Variants in NLRP8 observed in about 807,000 individuals in gnomAD.
NLRP8 encodes the protein NACHT, LRR and PYD domains-containing protein 8.
NLRP8 carries 86 observed loss-of-function variants against 88.7 expected under a neutral mutation model. The ratio of observed to expected loss-of-function variants is 0.97; its 90% CI spans 0.81 to 1.16. The LOEUF is 1.16. NLRP8 is among the 50% of genes most tolerant of loss of function. NLRP8 has a pLI of 0.00. For missense variants in NLRP8, 1,342 were observed against 1,286.5 expected (o/e 1.04, Z -0.66); for synonymous variants, 504 against 494.6 (o/e 1.02, Z -0.25).
Position 55,970,710 on chromosome 19 carries a change from C to A in NLRP8, c.2534+14C>A. On this transcript the variant is annotated intron_variant, in intron 6 of 9. Coordinates refer to ENST00000291971, the MANE Select transcript of NLRP8 (RefSeq NM_176811.2). ...GGAGAGGCTGTCGTAAGTCTCCTTT[C>A]TAGTGGCTGTGGTTGTGGTTGTGGT... is the stretch of plus-strand genomic sequence containing the variant. 4 of 1,613,690 alleles carry A rather than the reference C, an allele frequency of 2.5e-6. No individual in the cohort carries two copies. Among genetic ancestry groups the A allele is most frequent in the Non-Finnish European group, 3.4e-6 (4 of 1,179,812 alleles).
intron 3 of NLRP8, among the ~76,000 whole-genome samples, chr19:55,960,490 T>A (rs143793827): frequency 6.6e-6 from 1 of 152,182 alleles, no homozygotes; most frequent in Admixed American, 6.5e-5. Flanking sequence ...GTCACCCGAC[T>A]AAGACCTCAA....
intron 3 of NLRP8, 111 bp from the exon 4 acceptor site, chr19:55,961,956 A>G: frequency 1.0e-6 from 1 of 974,658 alleles, no homozygotes; most frequent in Non-Finnish European, 1.5e-6. Context: ...TCTTAGAGTC[A>G]CTAGAGGCCT....
At position 55,977,276 on chromosome 19, in the gene NLRP8, A is replaced by G. The variant is rs541903503; in HGVS notation, c.2876+973A>G. Among the ~76,000 whole-genome samples the G allele has an allele frequency of 3.5e-3, 512 of 146,070 alleles. 4 individuals are homozygous for G. The highest frequency in any genetic ancestry group is 0.012 in the African/African-American group (493 of 40,278). ...TCTGCATATGTGTACACATATATGT[A>G]CAGACACATATATACTTATTTTATA... On this transcript the variant is annotated intron_variant, in intron 8 of 9. Coordinates refer to ENST00000291971, the MANE Select transcript of NLRP8 (RefSeq NM_176811.2).
chr19:55,984,991 C>G (rs1980742234), intron 9 of NLRP8, among the ~76,000 whole-genome samples: 2 of 151,788 alleles, frequency 1.3e-5, no homozygotes, highest in Non-Finnish European at 2.9e-5. Context: ...TGGAAATTTA[C>G]AAGCAAATTC....
chr19:55,988,095 T>C lies in NLRP8; in HGVS notation c.*182T>C, dbSNP rs1289778311. The C allele has an allele frequency of 6.3e-5, 35 of 555,350 alleles. No individual in the cohort carries two copies. The highest frequency in any genetic ancestry group is 2.3e-5 in the Non-Finnish European group (7 of 305,244). The allele number at this position is 555,350 out of a possible 1,614,324, so 34.4% of individuals were successfully genotyped here. A position where few individuals can be genotyped will look rare whatever the true frequency, so the allele number is the denominator to read the frequency against. On this transcript the variant is annotated 3_prime_UTR_variant, in exon 10 of 10. Coordinates refer to ENST00000291971, the MANE Select transcript of NLRP8 (RefSeq NM_176811.2). The stretch of plus-strand genomic sequence containing the variant: ...TGAGGACGGTGATGCCCTGTGTGTA[T>C]TAATATGCTATGTAAGGCTGGGCGT...
At chr19:55,976,697 C>A (rs962870364) in intron 8 of NLRP8, among the ~76,000 whole-genome samples, 3 of 41,502 alleles carry the variant, frequency 7.2e-5, no homozygotes, top group Non-Finnish European at 1.5e-4. Context: ...TATATATATA[C>A]ACATATATGT....
At chr19:55,964,952 A>G (rs1979774354) in intron 4 of NLRP8, among the ~76,000 whole-genome samples, 1 of 152,146 alleles carries the variant, frequency 6.6e-6, no homozygotes, top group Non-Finnish European at 1.5e-5. Context: ...GAACATAAGC[A>G]TTAGAGGTGC....
chr19:55,962,165 T>C lies in NLRP8; in HGVS notation c.2141T>C (p.Val714Ala), dbSNP rs750767541. ...GAAGTCCTGACTATGACCAACAGTG[T>C]TTTGGGGCCTCCTTTTTTGAAGGCT... is the stretch of plus-strand genomic sequence containing the variant. Residue 714 changes from valine to alanine, a missense_variant, in exon 4 of 10, where the codon GTT becomes GCT. Coordinates refer to ENST00000291971, the MANE Select transcript of NLRP8 (RefSeq NM_176811.2). The C allele has an allele frequency of 3.7e-6, 6 of 1,614,018 alleles. No homozygotes were observed. In the Middle Eastern group the frequency reaches 4.9e-4, roughly 133 times the overall value.
chr19:55,955,917 C>A lies in NLRP8; in HGVS notation c.1859C>A (p.Ala620Asp). 4 of 1,614,152 alleles carry A rather than the reference C, an allele frequency of 2.5e-6. No homozygotes were observed. Among genetic ancestry groups the A allele is most frequent in the Non-Finnish European group, 2.5e-6 (3 of 1,180,026 alleles). Residue 620 changes from alanine to aspartate, a missense_variant, in exon 3 of 10, where the codon GCC becomes GAC. By Grantham distance (126) the Ala-to-Asp change is moderately radical (BLOSUM62 -2). Transcript: ENST00000291971. Reference sequence around the variant, plus strand: ...TGTCTGCATGAAATCCGGGAGGAAGCCTTTGTAAGCCAAGCCCTAAATGAT... The same window carrying A: ...TGTCTGCATGAAATCCGGGAGGAAGACTTTGTAAGCCAAGCCCTAAATGAT...
chr19:55,979,528 C>T lies in NLRP8; in HGVS notation c.3011C>T (p.Ala1004Val), dbSNP rs1980487034. Reference sequence around the variant, plus strand: ...TATGGTATTCTGACCTTGTGCGAGGCCTTCTCAAGCCAAAAGAAGAGAGAA... The same window carrying T: ...TATGGTATTCTGACCTTGTGCGAGGTCTTCTCAAGCCAAAAGAAGAGAGAA... Residue 1004 changes from alanine (A) to valine (V), a missense_variant, in exon 9 of 10, where the codon GCC becomes GTC. Transcript: ENST00000291971. 1.2e-6 allele frequency: 2 copies of T among 1,614,040 alleles called. No homozygotes were observed. The highest frequency in any genetic ancestry group is 1.7e-5 in the Admixed American group (1 of 59,996).
intron 3 of NLRP8, among the ~76,000 whole-genome samples, chr19:55,957,668 AATAATTATATAT>A (rs1568460762): frequency 5.1e-5 from 4 of 77,890 alleles, no homozygotes; most frequent in African/African-American, 2.3e-4. Flanking sequence ...AAGAAAAAAT[AATAATTATATAT>A]ATATATATAT....
intron 9 of NLRP8, among the ~76,000 whole-genome samples, chr19:55,985,544 G>GA (rs1013508867): frequency 2.0e-5 from 3 of 151,972 alleles, no homozygotes; most frequent in African/African-American, 4.8e-5. Flanking sequence ...CTACATAGAA[G>GA]AAAAAATCTG....
chr19:55,973,320 G>A (rs1980161692), intron 6 of NLRP8, among the ~76,000 whole-genome samples: 1 of 151,892 alleles, frequency 6.6e-6, no homozygotes, highest in African/African-American at 2.4e-5. Flanking sequence ...TTTGTTCTTT[G>A]TAGATTCTGA....
At position 55,968,131 on chromosome 19, in the gene NLRP8, T is replaced by C. The variant is rs142582015; in HGVS notation, c.2381+1751T>C. Among the ~76,000 whole-genome samples, 240 of 152,364 alleles carry C rather than the reference T, an allele frequency of 1.6e-3. 1 individual carries two copies. The highest frequency in any genetic ancestry group is 5.0e-3 in the African/African-American group (210 of 41,586). On this transcript the variant is annotated intron_variant, in intron 5 of 9. Transcript: ENST00000291971. ...CACAAAATATTCGTTTAATAATTTT[T>C]TTAACCATTTAAAAATTTTTGTGGC... is the stretch of plus-strand genomic sequence containing the variant.
chr19:55,981,195 C>A (rs1980557499), intron 9 of NLRP8, among the ~76,000 whole-genome samples, 37 bp downstream of exon 10: 1 of 151,254 alleles, frequency 6.6e-6, no homozygotes, highest in Non-Finnish European at 1.5e-5. Context: ...TCGATCTGGA[C>A]CCTCTGGTGA....
intron 9 of NLRP8, 51 bp downstream of exon 9, chr19:55,979,615 C>T: frequency 6.3e-7 from 1 of 1,594,032 alleles, no homozygotes; most frequent in Non-Finnish European, 8.6e-7. Flanking sequence ...AAGAGAAGCT[C>T]CTTGTAAAAC....
intron 9 of NLRP8, among the ~76,000 whole-genome samples, chr19:55,981,878 G>A (rs1980587172): frequency 6.7e-6 from 1 of 149,142 alleles, no homozygotes; most frequent in Non-Finnish European, 1.5e-5. Context: ...TAATGATCAG[G>A]TATCATCCAG....
At chr19:55,976,684 A>C (rs1568468194) in intron 8 of NLRP8, among the ~76,000 whole-genome samples, 1 of 151,176 alleles carries the variant, frequency 6.6e-6, no homozygotes, top group Non-Finnish European at 1.5e-5. Flanking sequence ...TACACTTAGG[A>C]GATATATATA....
chr19:55,972,480 C>T (rs1377743252), intron 6 of NLRP8, among the ~76,000 whole-genome samples: 2 of 151,698 alleles, frequency 1.3e-5, no homozygotes, highest in Non-Finnish European at 2.9e-5. Context: ...TGTCTGGTTA[C>T]ATAAATAAGC....
Sources: allele counts gnomAD v4.1 joint callset (sites outside exome capture counted in the v4.1 genomes callset), GRCh38; gene constraint gnomAD v4.1.1; transcripts MANE v1.5; gene names NCBI Gene and HGNC (gene_info 2026-07-23, HGNC 2026-07-21).